Variants in PRDM5 observed in about 807,000 individuals in gnomAD.
PRDM5 encodes PR/SET domain 5.
In PRDM5, 56 loss-of-function variants were observed where a neutral mutation model predicts 81.2. The observed-to-expected ratio is 0.69, with a 90% CI of 0.56 to 0.86. PRDM5 has a LOEUF of 0.86. Ranked by LOEUF, PRDM5 falls within the 40% of genes least tolerant of loss-of-function variation. PRDM5 has a pLI of 0.00. For synonymous variants in PRDM5, 267 were observed against 256.4 expected, an observed-to-expected ratio of 1.04 and a Z score of -0.39; for missense variants, 697 against 770.1, an observed-to-expected ratio of 0.91 and a Z score of 1.12.
chr4:120,892,850 G>C (rs986071153), intron 2 of PRDM5, among the ~76,000 whole-genome samples: 1 of 151,922 alleles, frequency 6.6e-6, no homozygotes, highest in South Asian at 2.1e-4. Flanking sequence ...AGTGGTGGGT[G>C]GGGGCTCCCA....
intron 2 of PRDM5, chr4:120,895,648 T>TG: frequency 6.6e-6 from 1 of 152,418 alleles, no homozygotes; most frequent in East Asian, 1.9e-4. Context: ...CTTCTTTATC[T>TG]ATCATATAAG....
chr4:120,744,954 C>G (rs1324436143), intron 14 of PRDM5, among the ~76,000 whole-genome samples: 1 of 139,332 alleles, frequency 7.2e-6, no homozygotes, highest in Non-Finnish European at 1.5e-5. Flanking sequence ...ATTCTGATAC[C>G]AAAGCCAGGC....
Position 120,872,150 on chromosome 4 carries a change from C to CAAAAAAA in PRDM5, c.178-18617_178-18611dup, listed in dbSNP as rs70948365. ...TGGGCGACAGAGCAAGACTCCATCT[C>CAAAAAAA]AAAAAAAAAAAAAAAAAAAAAAAAC... On this transcript the variant is annotated intron_variant, in intron 2 of 15. Coordinates refer to ENST00000264808, the MANE Select transcript of PRDM5 (RefSeq NM_018699.4). Among the ~76,000 whole-genome samples, 18 of 41,830 alleles carry CAAAAAAA rather than the reference C, an allele frequency of 4.3e-4. 1 individual carries two copies. Among genetic ancestry groups the CAAAAAAA allele is most frequent in the African/African-American group, 1.7e-3 (14 of 8,370 alleles). 27.4% of individuals were successfully genotyped at this position (41,830 alleles called of 152,430 possible). A position where few individuals can be genotyped will look rare whatever the true frequency, so the allele number is the denominator to read the frequency against.
chr4:120,836,342 C>A (rs1470384624), intron 3 of PRDM5, among the ~76,000 whole-genome samples: 3 of 152,064 alleles, frequency 2.0e-5, no homozygotes, highest in South Asian at 2.1e-4. Context: ...AAAAATATAT[C>A]TTTTATAATA....
intron 2 of PRDM5, among the ~76,000 whole-genome samples, chr4:120,875,148 A>G (rs560117148): frequency 7.1e-4 from 108 of 152,318 alleles, no homozygotes; most frequent in African/African-American, 2.5e-3. Context: ...TTCCTGGCCA[A>G]ATTTGGTGAC....
At chr4:120,772,399 A>T (rs1407645492) in intron 13 of PRDM5, among the ~76,000 whole-genome samples, 1 of 152,222 alleles carries the variant, frequency 6.6e-6, no homozygotes, top group Non-Finnish European at 1.5e-5. Flanking sequence ...ACAGTCATAA[A>T]CATAATATCA....
intron 15 of PRDM5, among the ~76,000 whole-genome samples, chr4:120,698,284 T>C (rs550004065): frequency 9.6e-4 from 146 of 152,212 alleles, no homozygotes; most frequent in Non-Finnish European, 1.9e-3. Context: ...TGAGCCCTCA[T>C]TTAACATGAA....
chr4:120,723,627 G>T (rs1219492329), intron 14 of PRDM5, among the ~76,000 whole-genome samples: 2 of 151,840 alleles, frequency 1.3e-5, no homozygotes, highest in South Asian at 2.1e-4. Flanking sequence ...GAAAGAGAAA[G>T]AAATATAAGG....
intron 15 of PRDM5, among the ~76,000 whole-genome samples, chr4:120,703,777 T>C (rs1417221549): frequency 6.6e-6 from 1 of 152,070 alleles, no homozygotes; most frequent in Non-Finnish European, 1.5e-5. Context: ...AAGAACTAGG[T>C]GGTGTTTCCA....
At chr4:120,729,060 G>T (rs1004177484) in intron 14 of PRDM5, among the ~76,000 whole-genome samples, 9 of 152,124 alleles carry the variant, frequency 5.9e-5, no homozygotes, top group Non-Finnish European at 4.4e-5. Flanking sequence ...ATGAATTATG[G>T]TTGACACAGT....
At chr4:120,753,302 A>G (rs1015729336) in intron 14 of PRDM5, among the ~76,000 whole-genome samples, 5 of 152,222 alleles carry the variant, frequency 3.3e-5, no homozygotes, top group Admixed American at 2.0e-4. Flanking sequence ...GTACATTTAA[A>G]TCATACTATT....
intron 14 of PRDM5, among the ~76,000 whole-genome samples, chr4:120,726,111 C>A (rs1739370250): frequency 6.6e-6 from 1 of 152,134 alleles, no homozygotes; most frequent in South Asian, 2.1e-4. Flanking sequence ...GGGAGAAGGG[C>A]AGTGCTTTGG....
chr4:120,896,162 C>G (rs1366436312), intron 2 of PRDM5: 1 of 152,160 alleles, frequency 6.6e-6, no homozygotes, highest in African/African-American at 2.4e-5. Context: ...CCTGCACCTG[C>G]ATCAGAATCA....
At chr4:120,789,905 C>A (rs940632824) in intron 10 of PRDM5, among the ~76,000 whole-genome samples, 13 of 152,178 alleles carry the variant, frequency 8.5e-5, no homozygotes, top group African/African-American at 3.1e-4. Context: ...CCAAGTCCAA[C>A]CTTCCCACTG....
At chr4:120,739,159 C>G (rs1741538049) in intron 14 of PRDM5, among the ~76,000 whole-genome samples, 1 of 152,194 alleles carries the variant, frequency 6.6e-6, no homozygotes, top group African/African-American at 2.4e-5. Flanking sequence ...TGATTGGTCC[C>G]AAGAGATACA....
chr4:120,895,319 C>G (rs1764493659), intron 2 of PRDM5, among the ~76,000 whole-genome samples: 1 of 152,014 alleles, frequency 6.6e-6, no homozygotes, highest in South Asian at 2.1e-4. Flanking sequence ...GTATTTTGCT[C>G]AAGAGTCTCC....
chr4:120,871,612 TAA>T (rs1341750273), intron 2 of PRDM5, among the ~76,000 whole-genome samples: 1 of 152,224 alleles, frequency 6.6e-6, no homozygotes, highest in East Asian at 1.9e-4. Context: ...AGGTCAATAT[TAA>T]GTCTAGTATC....
At chr4:120,729,697 C>G (rs1313352701) in intron 14 of PRDM5, among the ~76,000 whole-genome samples, 1 of 152,172 alleles carries the variant, frequency 6.6e-6, no homozygotes, top group Non-Finnish European at 1.5e-5. Context: ...TGAAATTTCC[C>G]TTATTATAAT....
chr4:120,746,152 T>G, intron 14 of PRDM5, among the ~76,000 whole-genome samples: 1 of 16,500 alleles, frequency 6.1e-5, no homozygotes, highest in Non-Finnish European at 1.3e-4. Context: ...ATCTGATCTT[T>G]GACAAACCTG....
Sources: allele counts gnomAD v4.1 joint callset (sites outside exome capture counted in the v4.1 genomes callset), GRCh38; gene constraint gnomAD v4.1.1; transcripts MANE v1.5; gene names NCBI Gene and HGNC (gene_info 2026-07-23, HGNC 2026-07-21).